Variants in FA2H observed in about 807,000 individuals in gnomAD.
The protein encoded by FA2H is fatty acid alpha-hydroxylase.
A neutral mutation model predicts 44.9 loss-of-function variants in FA2H; 22 were observed. The observed-to-expected ratio is 0.49, with a 90% confidence interval of 0.35 to 0.70. The LOEUF (loss-of-function observed/expected upper bound fraction) is 0.70. Among genes scored for constraint, FA2H ranks in the 30% least tolerant of loss-of-function variants. FA2H has a pLI of 0.01. For missense variants in FA2H, 501 were observed against 504.9 expected (o/e 0.99, Z 0.07); for synonymous variants, 243 against 213.2 (o/e 1.14, Z -1.22).
chr16:74,725,700 A>C (rs557088101), intron 4 of FA2H, among the ~76,000 whole-genome samples: 5 of 152,282 alleles, frequency 3.3e-5, no homozygotes, highest in Middle Eastern at 3.4e-3. Context: ...CGCACATGGC[A>C]AGTGTCCCAT....
At chr16:74,765,625 T>C (rs555872861) in intron 1 of FA2H, among the ~76,000 whole-genome samples, 114 of 152,286 alleles carry the variant, frequency 7.5e-4, no homozygotes, top group Non-Finnish European at 1.0e-3. Context: ...GGAGTACAAA[T>C]GGTGCAGTCA....
chr16:74,740,867 G>T (rs1022925101), intron 1 of FA2H, among the ~76,000 whole-genome samples: 1 of 151,992 alleles, frequency 6.6e-6, no homozygotes, highest in Non-Finnish European at 1.5e-5. Flanking sequence ...GGCTCACAGG[G>T]CCACACTGAT....
At chr16:74,733,475 A>T (rs868728970) in intron 2 of FA2H, among the ~76,000 whole-genome samples, 2 of 152,098 alleles carry the variant, frequency 1.3e-5, no homozygotes, top group African/African-American at 2.4e-5. Flanking sequence ...GCCTCCACAC[A>T]GTTTCCCAAG....
At chr16:74,755,589 G>A (rs983170795) in intron 1 of FA2H, among the ~76,000 whole-genome samples, 11 of 152,188 alleles carry the variant, frequency 7.2e-5, no homozygotes, top group Non-Finnish European at 1.5e-4. Flanking sequence ...ACACGTCTGT[G>A]AATGATTTCC....
chr16:74,774,661 C>A lies in FA2H; in HGVS notation c.95G>T (p.Arg32Leu), dbSNP rs1369764651. 3 of 1,437,792 alleles carry A rather than the reference C, an allele frequency of 2.1e-6. No homozygotes were observed. Among genetic ancestry groups the A allele is most frequent in the South Asian group, 2.9e-5 (2 of 70,096 alleles). 89.1% of individuals were successfully genotyped at this position (1,437,792 alleles called of 1,614,324 possible). Reference protein sequence around the residue: ...AGACWVRRGARLYDLSSFVRH... With the variant: ...AGACWVRRGALLYDLSSFVRH... The stretch of plus-strand genomic sequence containing the variant: ...CACGAAGCTGGAGAGGTCGTAGAGG[C>A]GGGCCCCGCGGCGGACCCAGCACGC... The change falls in exon 1 of 7, where the codon CGC becomes CTC. Residue 32 changes from arginine (R) to leucine (L), a missense_variant. Physicochemically the swap from Arg to Leu is moderately radical, Grantham distance 102. Transcript: ENST00000219368.
intron 3 of FA2H, 136 bp downstream of exon 3, chr16:74,727,108 G>C: frequency 8.2e-7 from 1 of 1,214,366 alleles, no homozygotes; most frequent in Non-Finnish European, 1.2e-6. Flanking sequence ...CCCATGGCAT[G>C]TTCCTCCCTC....
intron 2 of FA2H, 143 bp downstream of exon 2, chr16:74,739,879 TG>T: frequency 1.3e-6 from 1 of 770,286 alleles, no homozygotes; most frequent in Non-Finnish European, 2.4e-6. Flanking sequence ...GTCATGCCTC[TG>T]GGCTGTGGAC....
chr16:74,714,072 C>T lies in FA2H; in HGVS notation c.*118G>A. ...CAGCACCTTCCACTAGGCTGCAGGGCCGGACACAGCCCATCCTGCCTGGCC... is the reference window on the plus strand; with the variant it reads ...CAGCACCTTCCACTAGGCTGCAGGGTCGGACACAGCCCATCCTGCCTGGCC... On this transcript the variant is annotated 3_prime_UTR_variant, in exon 7 of 7. Coordinates refer to ENST00000219368, the MANE Select transcript of FA2H (RefSeq NM_024306.5). The T allele has an allele frequency of 1.4e-6, 1 of 691,978 alleles. No homozygotes were observed. Among genetic ancestry groups the T allele is most frequent in the East Asian group, 2.7e-5 (1 of 36,814 alleles). 42.9% of individuals were successfully genotyped at this position (691,978 alleles called of 1,614,324 possible).
chr16:74,735,132 T>C (rs1962155935), intron 2 of FA2H, among the ~76,000 whole-genome samples: 1 of 152,236 alleles, frequency 6.6e-6, no homozygotes, highest in Non-Finnish European at 1.5e-5. Context: ...CGGCTGCATA[T>C]GCTGTGGCAG....
intron 2 of FA2H, among the ~76,000 whole-genome samples, chr16:74,735,325 C>T (rs1410572503): frequency 1.3e-5 from 2 of 152,082 alleles, no homozygotes; most frequent in Non-Finnish European, 2.9e-5. Flanking sequence ...GCTGCAGGCC[C>T]GTCCTGCGCG....
chr16:74,718,612 A>G (rs1400125895), intron 5 of FA2H, among the ~76,000 whole-genome samples: 1 of 152,206 alleles, frequency 6.6e-6, no homozygotes, highest in Non-Finnish European at 1.5e-5. Flanking sequence ...TTTTCAGCAC[A>G]AGCTCCAGGA....
intron 1 of FA2H, among the ~76,000 whole-genome samples, chr16:74,747,683 C>G (rs1962451441): frequency 6.6e-6 from 1 of 152,128 alleles, no homozygotes; most frequent in Non-Finnish European, 1.5e-5. Flanking sequence ...TCAAGAGCAG[C>G]TGGCAGCCCC....
chr16:74,716,682 CA>C, intron 5 of FA2H, 83 bp from the exon 6 acceptor site: 4 of 1,448,908 alleles, frequency 2.8e-6, no homozygotes, highest in Non-Finnish European at 3.7e-6. Context: ...CTGCAGAGGA[CA>C]GGGGCACAGC....
chr16:74,717,495 C>T (rs939691168), intron 5 of FA2H, among the ~76,000 whole-genome samples: 1 of 152,216 alleles, frequency 6.6e-6, no homozygotes, highest in African/African-American at 2.4e-5. Context: ...TTTGCCAATT[C>T]CTGCAGTGTG....
chr16:74,737,011 G>C lies in FA2H; in HGVS notation c.363+3012C>G, dbSNP rs183012013. Among the ~76,000 whole-genome samples the C allele has an allele frequency of 1.2e-3, 188 of 152,280 alleles. 1 individual carries two copies. Among genetic ancestry groups the C allele is most frequent in the East Asian group, 0.011 (55 of 5,174 alleles). ...AGATAACCAATAATACATTGAAAGC[G>C]GCTGGCACACAGTGAGGGCTCAGTA... On this transcript the variant is annotated intron_variant, in intron 2 of 6. Transcript: ENST00000219368.
intron 4 of FA2H, among the ~76,000 whole-genome samples, chr16:74,722,065 A>T (rs12921263): frequency 0.072 from 10,958 of 152,224 alleles, 524 homozygotes; most frequent in Non-Finnish European, 0.11. Flanking sequence ...ATGACTTGCC[A>T]GGCTCCCCCT....
At chr16:74,741,666 G>A (rs895508080) in intron 1 of FA2H, among the ~76,000 whole-genome samples, 5 of 150,860 alleles carry the variant, frequency 3.3e-5, no homozygotes, top group African/African-American at 1.2e-4. Flanking sequence ...TGGCCATGTT[G>A]CCCAGACTGG....
chr16:74,747,909 CG>C (rs1175725548), intron 1 of FA2H, among the ~76,000 whole-genome samples: 1 of 152,116 alleles, frequency 6.6e-6, no homozygotes, highest in Non-Finnish European at 1.5e-5. Context: ...GGATCAAGAC[CG>C]CCACCAAAGG....
At chr16:74,736,112 G>GCAGT (rs1597553316) in intron 2 of FA2H, among the ~76,000 whole-genome samples, 3 of 152,214 alleles carry the variant, frequency 2.0e-5, no homozygotes, top group South Asian at 4.1e-4. Flanking sequence ...GAAGCAGAGG[G>GCAGT]CAGTGCCCAG....
Sources: allele counts gnomAD v4.1 joint callset (sites outside exome capture counted in the v4.1 genomes callset), GRCh38; gene constraint gnomAD v4.1.1; transcripts MANE v1.5; gene names NCBI Gene and HGNC (gene_info 2026-07-23, HGNC 2026-07-21).